Variants in RPS6KC1 observed in about 807,000 individuals in gnomAD.
RPS6KC1 encodes inactive ribosomal protein S6 kinase delta-1.
RPS6KC1 carries 54 observed loss-of-function variants against 103.8 expected under a neutral mutation model. The ratio of observed to expected loss-of-function variants is 0.52; its 90% CI spans 0.42 to 0.65. RPS6KC1 has a LOEUF of 0.65. Ranked by LOEUF, RPS6KC1 falls within the 30% of genes least tolerant of loss-of-function variation. The pLI, the probability that RPS6KC1 is intolerant of heterozygous loss-of-function variation, is 0.00. For synonymous variants in RPS6KC1, 439 were observed against 438.7 expected, an observed-to-expected ratio of 1.00 and a Z score of -0.01; for missense variants, 1,151 against 1,253.8, an observed-to-expected ratio of 0.92 and a Z score of 1.24.
At chr1:213,585,805 T>C in the RPS6KC1 span, among the ~76,000 whole-genome samples, 5 of 152,004 alleles carry the variant, frequency 3.3e-5, no homozygotes, top group African/African-American at 7.2e-5. Flanking sequence ...TGGCACGGCT[T>C]AACACATGGC....
chr1:213,277,101 A>G (rs1324183761), downstream of RPS6KC1, among the ~76,000 whole-genome samples: 5 of 152,214 alleles, frequency 3.3e-5, no homozygotes, highest in Admixed American at 1.3e-4. Flanking sequence ...AGGATTTCAT[A>G]TTAAGCCCTC....
the RPS6KC1 span, among the ~76,000 whole-genome samples, chr1:213,382,904 G>A: frequency 1.3e-5 from 2 of 152,232 alleles, no homozygotes; most frequent in Non-Finnish European, 2.9e-5. Context: ...ATTGAGTTGA[G>A]GCCATTTTGG....
chr1:213,308,414 A>G, the RPS6KC1 span, among the ~76,000 whole-genome samples: 1 of 151,982 alleles, frequency 6.6e-6, no homozygotes, highest in Non-Finnish European at 1.5e-5. Flanking sequence ...CTTCCTTATT[A>G]TCTCTGTACC....
intron 6 of RPS6KC1, among the ~76,000 whole-genome samples, chr1:213,131,373 GTTAC>G (rs2085591152): frequency 6.6e-6 from 1 of 151,398 alleles, no homozygotes; most frequent in Non-Finnish European, 1.5e-5. Context: ...TAATTTTGAA[GTTAC>G]TTGTTTTCTT....
intron 6 of RPS6KC1, among the ~76,000 whole-genome samples, chr1:213,146,180 A>G (rs2087799289): frequency 6.6e-6 from 1 of 151,350 alleles, no homozygotes; most frequent in African/African-American, 2.4e-5. Context: ...ACTTAACACA[A>G]TAATTTTCAG....
At chr1:213,654,341 G>A in the RPS6KC1 span, among the ~76,000 whole-genome samples, 1 of 152,146 alleles carries the variant, frequency 6.6e-6, no homozygotes, top group Non-Finnish European at 1.5e-5. Flanking sequence ...AACTTGTCAA[G>A]TAACTTTTCA....
chr1:213,684,693 T>G, the RPS6KC1 span, among the ~76,000 whole-genome samples: 1 of 152,222 alleles, frequency 6.6e-6, no homozygotes, highest in Non-Finnish European at 1.5e-5. Flanking sequence ...CCATACTGAT[T>G]GGCTCAGAGA....
At chr1:213,663,582 G>C in the RPS6KC1 span, among the ~76,000 whole-genome samples, 1 of 152,162 alleles carries the variant, frequency 6.6e-6, no homozygotes, top group Non-Finnish European at 1.5e-5. Flanking sequence ...TGAATATGAA[G>C]CATCCCTTGT....
the RPS6KC1 span, chr1:213,843,393 T>C: frequency 2.0e-5 from 3 of 152,170 alleles, no homozygotes; most frequent in Admixed American, 6.6e-5. Context: ...AGAGACATTT[T>C]TGGCATAGGG....
chr1:213,789,828 T>G, the RPS6KC1 span, among the ~76,000 whole-genome samples: 1 of 152,198 alleles, frequency 6.6e-6, no homozygotes, highest in Non-Finnish European at 1.5e-5. Context: ...GCTTCTCACA[T>G]CATTCTGTAC....
chr1:213,367,688 T>A, the RPS6KC1 span, among the ~76,000 whole-genome samples: 2 of 152,216 alleles, frequency 1.3e-5, no homozygotes, highest in African/African-American at 4.8e-5. Context: ...AACATGGTGC[T>A]TCGTGACATA....
At chr1:213,071,396 T>C (rs548885850) in intron 2 of RPS6KC1, among the ~76,000 whole-genome samples, 55 of 152,316 alleles carry the variant, frequency 3.6e-4, no homozygotes, top group Non-Finnish European at 6.8e-4. Flanking sequence ...CCCAAAGTGC[T>C]GGGATTACAG....
At chr1:213,424,352 T>G in the RPS6KC1 span, among the ~76,000 whole-genome samples, 1 of 152,006 alleles carries the variant, frequency 6.6e-6, no homozygotes, top group Non-Finnish European at 1.5e-5. Context: ...ATAAGTACAT[T>G]TGAGGGAACA....
the RPS6KC1 span, among the ~76,000 whole-genome samples, chr1:213,528,172 G>A: frequency 6.6e-6 from 1 of 152,248 alleles, no homozygotes; most frequent in Admixed American, 6.5e-5. Flanking sequence ...ATTTATAAAG[G>A]GAAGAGGTTT....
At chr1:213,688,851 C>T in the RPS6KC1 span, among the ~76,000 whole-genome samples, 1,132 of 152,324 alleles carry the variant, frequency 7.4e-3, 20 homozygotes, top group East Asian at 0.062. Context: ...CAGTCACCAC[C>T]TACTCTGTGT....
At chr1:213,655,632 G>A in the RPS6KC1 span, among the ~76,000 whole-genome samples, 1 of 152,172 alleles carries the variant, frequency 6.6e-6, no homozygotes. Context: ...ATGGTTACAA[G>A]TTGTATCTAT....
the RPS6KC1 span, among the ~76,000 whole-genome samples, chr1:213,398,475 A>C: frequency 6.6e-6 from 1 of 152,084 alleles, no homozygotes; most frequent in Admixed American, 6.5e-5. Flanking sequence ...TGGTGAGGAC[A>C]GGCTCTTTGG....
At chr1:213,257,862 G>T (rs1164659383) in intron 12 of RPS6KC1, among the ~76,000 whole-genome samples, 1 of 131,356 alleles carries the variant, frequency 7.6e-6, no homozygotes, top group Non-Finnish European at 1.5e-5. Context: ...GGAGTCCAGT[G>T]GTGTGATCTT....
chr1:213,812,507 G>C, the RPS6KC1 span, among the ~76,000 whole-genome samples: 1 of 152,120 alleles, frequency 6.6e-6, no homozygotes, highest in Admixed American at 6.5e-5. Context: ...CTATGTGCCC[G>C]AGTAGCCTAT....
Sources: allele counts gnomAD v4.1 joint callset (sites outside exome capture counted in the v4.1 genomes callset), GRCh38; gene constraint gnomAD v4.1.1; transcripts MANE v1.5; gene names NCBI Gene and HGNC (gene_info 2026-07-23, HGNC 2026-07-21).